The following EPHA3 variants were observed in gnomAD, a reference collection of about 807,000 sequenced individuals.
EPHA3 encodes EPH receptor A3.
Under a neutral mutation model 107.1 loss-of-function variants are expected in EPHA3, and 42 were observed. That is an observed-to-expected ratio of 0.39 (90% confidence interval 0.31 to 0.51). The LOEUF is 0.51. EPHA3 is among the 20% of genes least tolerant of loss of function. EPHA3 has a pLI of 0.78. For synonymous variants in EPHA3, 461 were observed against 424.8 expected (o/e 1.09, Z -1.05); for missense variants, 1,183 against 1,211.2 (o/e 0.98, Z 0.35).
chr3:89,301,427 C>T (rs1432755416), intron 3 of EPHA3, among the ~76,000 whole-genome samples: 3 of 151,976 alleles, frequency 2.0e-5, no homozygotes, highest in African/African-American at 4.8e-5. Flanking sequence ...CACTCTGAGA[C>T]TAAACAGAGA....
intron 13 of EPHA3, among the ~76,000 whole-genome samples, chr3:89,443,995 A>G (rs1197191589): frequency 6.6e-6 from 1 of 152,186 alleles, no homozygotes; most frequent in Non-Finnish European, 1.5e-5. Context: ...AATTAAGATC[A>G]GTGAGCATCT....
chr3:89,426,547 G>A (rs1709460623), intron 11 of EPHA3, among the ~76,000 whole-genome samples: 1 of 151,736 alleles, frequency 6.6e-6, no homozygotes, highest in South Asian at 2.1e-4. Flanking sequence ...ATTTCTGAAT[G>A]GTCATGGGGC....
intron 3 of EPHA3, among the ~76,000 whole-genome samples, chr3:89,260,159 A>G (rs189130164): frequency 8.5e-5 from 13 of 152,332 alleles, no homozygotes; most frequent in Non-Finnish European, 7.3e-5. Flanking sequence ...AGATATCTTT[A>G]CAAGGCTGTG....
intron 2 of EPHA3, among the ~76,000 whole-genome samples, chr3:89,154,897 T>A (rs1704765928): frequency 6.8e-6 from 1 of 147,902 alleles, no homozygotes; most frequent in Non-Finnish European, 1.5e-5. Flanking sequence ...ATATATTATA[T>A]AATTATAATT....
At chr3:89,264,123 T>A (rs1378826206) in intron 3 of EPHA3, among the ~76,000 whole-genome samples, 1 of 152,176 alleles carries the variant, frequency 6.6e-6, no homozygotes, top group Non-Finnish European at 1.5e-5. Flanking sequence ...TCAAATCTTA[T>A]CATCTGAATC....
chr3:89,109,702 G>A (rs1298573225), intron 1 of EPHA3, among the ~76,000 whole-genome samples: 1 of 151,982 alleles, frequency 6.6e-6, no homozygotes, highest in Non-Finnish European at 1.5e-5. Context: ...CCTCATGTAT[G>A]TTTGGGGATA....
chr3:89,179,667 TAA>T (rs11391439), intron 2 of EPHA3, among the ~76,000 whole-genome samples: 4 of 143,576 alleles, frequency 2.8e-5, no homozygotes, highest in Non-Finnish European at 1.5e-5. Context: ...TTAAAGTCTG[TAA>T]AAAAAAAAAA....
At chr3:89,403,391 G>T (rs1048168644) in intron 7 of EPHA3, among the ~76,000 whole-genome samples, 19 of 151,960 alleles carry the variant, frequency 1.3e-4, no homozygotes, top group Admixed American at 6.6e-5. Flanking sequence ...CCAAGATACA[G>T]ATTTTGTGTG....
rs576386479 is a variant in EPHA3, at chr3:89,161,743, C to T, written c.153+34470C>T. Among the ~76,000 whole-genome samples, 31 of 151,996 alleles carry T rather than the reference C, an allele frequency of 2.0e-4. No homozygotes were observed. The East Asian group carries it at 2.9e-3, about 14-fold the overall frequency. On this transcript the variant is annotated intron_variant, in intron 2 of 16. Transcript: ENST00000336596. ...CTGTAATCCCAGTATTTCAGGAGGC[C>T]AAGGTGGATGAGTTGTTTATCCCAG...
chr3:89,390,868 A>G (rs1320855906), intron 5 of EPHA3, among the ~76,000 whole-genome samples: 1 of 147,390 alleles, frequency 6.8e-6, no homozygotes, highest in African/African-American at 2.5e-5. Flanking sequence ...CTCACTTGCA[A>G]CCTCCGCCTC....
At chr3:89,448,992 T>TA in intron 13 of EPHA3, among the ~76,000 whole-genome samples, 2 of 151,882 alleles carry the variant, frequency 1.3e-5, no homozygotes, top group Non-Finnish European at 2.9e-5. Flanking sequence ...ATTTTCTTTT[T>TA]TATATATAAT....
intron 2 of EPHA3, among the ~76,000 whole-genome samples, chr3:89,191,277 T>C (rs1201385250): frequency 1.3e-5 from 2 of 151,558 alleles, no homozygotes; most frequent in Admixed American, 6.6e-5. Flanking sequence ...ACTAGTATTA[T>C]ATTTTTATTT....
chr3:89,427,443 GT>G, intron 11 of EPHA3, among the ~76,000 whole-genome samples: 1 of 151,956 alleles, frequency 6.6e-6, no homozygotes, highest in African/African-American at 2.4e-5. Context: ...AGGAAAAGTT[GT>G]GTTATACAGT....
intron 13 of EPHA3, among the ~76,000 whole-genome samples, chr3:89,439,692 G>T (rs1247920202): frequency 1.3e-5 from 2 of 149,884 alleles, no homozygotes; most frequent in South Asian, 2.1e-4. Flanking sequence ...AAACCTCATT[G>T]AACTTTTAAA....
intron 3 of EPHA3, among the ~76,000 whole-genome samples, chr3:89,258,055 C>T (rs1161383486): frequency 2.0e-5 from 3 of 152,184 alleles, no homozygotes. Flanking sequence ...ATGAGATAAA[C>T]TGCTGCTCTA....
intron 2 of EPHA3, among the ~76,000 whole-genome samples, chr3:89,184,647 G>A (rs1705520198): frequency 1.3e-5 from 2 of 152,110 alleles, no homozygotes; most frequent in Middle Eastern, 3.4e-3. Context: ...GAAAGATACT[G>A]TGCTTTTCCA....
intron 5 of EPHA3, among the ~76,000 whole-genome samples, chr3:89,347,732 T>A (rs1235111648): frequency 6.7e-6 from 1 of 150,346 alleles, no homozygotes. Context: ...GCCCATTCAG[T>A]ATGATATTGG....
intron 5 of EPHA3, among the ~76,000 whole-genome samples, chr3:89,389,380 A>C (rs1378836248): frequency 1.3e-5 from 2 of 152,226 alleles, no homozygotes; most frequent in African/African-American, 4.8e-5. Flanking sequence ...TCAAAAGAAA[A>C]ATCTTTCAAC....
chr3:89,426,499 A>C (rs1455221212), intron 11 of EPHA3, among the ~76,000 whole-genome samples: 1 of 151,842 alleles, frequency 6.6e-6, no homozygotes, highest in African/African-American at 2.4e-5. Context: ...ATGTGTTTAC[A>C]AATACCTGAA....
Sources: allele counts gnomAD v4.1 joint callset (sites outside exome capture counted in the v4.1 genomes callset), GRCh38; gene constraint gnomAD v4.1.1; transcripts MANE v1.5; gene names NCBI Gene and HGNC (gene_info 2026-07-23, HGNC 2026-07-21).